NFIC: variants seen among roughly 807,000 people sequenced by gnomAD.
NFIC encodes nuclear factor 1 C-type.
NFIC carries 12 observed loss-of-function variants against 54.4 expected under a neutral mutation model. The ratio of observed to expected loss-of-function variants is 0.22; its 90% CI spans 0.14 to 0.36. The LOEUF (loss-of-function observed/expected upper bound fraction) is 0.36. Ranked by LOEUF, NFIC falls within the 10% of genes least tolerant of loss-of-function variation. NFIC has a pLI of 1.00. For missense variants in NFIC, 575 were observed against 718.2 expected (o/e 0.80, Z 2.28); for synonymous variants, 322 against 319.2 (o/e 1.01, Z -0.09).
rs1035730995 is a variant in NFIC, at chr19:3,415,217, A to G, written c.563-9889A>G. ...AGCCTCCACCTGCCAGGTTCAAACA[A>G]TTCTCCTGCCTCAGCCTCCTGAGTA... is the stretch of plus-strand genomic sequence containing the variant. On this transcript the variant is annotated intron_variant, in intron 2 of 10. Coordinates refer to ENST00000443272, the MANE Select transcript of NFIC (RefSeq NM_001245002.2). 4.6e-5 allele frequency among the ~76,000 whole-genome samples: 7 copies of G among 150,908 alleles called. No homozygotes were observed. In the South Asian group the frequency reaches 1.0e-3, roughly 23 times the overall value.
chr19:3,376,428 C>CAAAA (rs35724239), intron 1 of NFIC, among the ~76,000 whole-genome samples: 10 of 48,188 alleles, frequency 2.1e-4, no homozygotes, highest in East Asian at 5.8e-4. Context: ...GACACTGTCT[C>CAAAA]AAAAAAAAAA....
chr19:3,382,790 G>C (rs574096647), intron 2 of NFIC, among the ~76,000 whole-genome samples: 1 of 151,878 alleles, frequency 6.6e-6, no homozygotes, highest in South Asian at 2.1e-4. Flanking sequence ...GCCTAGGAGA[G>C]CGTCTAATGC....
chr19:3,384,049 GTT>G (rs72250156), intron 2 of NFIC, among the ~76,000 whole-genome samples: 24,503 of 132,538 alleles, frequency 0.18, 2,462 homozygotes, highest in Middle Eastern at 0.25. Context: ...GTTACCCAGT[GTT>G]TTTTTTTTTT....
intron 6 of NFIC, among the ~76,000 whole-genome samples, chr19:3,444,094 C>A (rs1232797526): frequency 1.5e-5 from 2 of 134,346 alleles, no homozygotes; most frequent in Non-Finnish European, 3.4e-5. Context: ...GTGATGAGGG[C>A]CTTTTGTCAA....
At chr19:3,439,642 C>T (rs2082261251) in intron 6 of NFIC, among the ~76,000 whole-genome samples, 1 of 149,778 alleles carries the variant, frequency 6.7e-6, no homozygotes, top group Admixed American at 6.7e-5. Flanking sequence ...AACTCCATCT[C>T]AAAAAACTCT....
chr19:3,401,422 A>G (rs1448341132), intron 2 of NFIC, among the ~76,000 whole-genome samples: 2 of 152,164 alleles, frequency 1.3e-5, no homozygotes, highest in Non-Finnish European at 2.9e-5. Context: ...GGCAGAATCC[A>G]GGTCAACTCC....
Position 3,463,824 on chromosome 19 carries a change from G to C in NFIC, c.*1055G>C. The C allele has an allele frequency of 1.0e-6, 1 of 985,112 alleles. No homozygotes were observed. The highest frequency in any genetic ancestry group is 1.2e-6 in the Non-Finnish European group (1 of 829,864). The allele number at this position is 985,112 out of a possible 1,614,324, so 61.0% of individuals were successfully genotyped here. A position where few individuals can be genotyped will look rare whatever the true frequency, so the allele number is the denominator to read the frequency against. On this transcript the variant is annotated 3_prime_UTR_variant, in exon 11 of 11. Transcript: ENST00000443272. ...CAGCCCCTGGCGGTGGGAGGTGAGA[G>C]CGAGTGGTTTAAGTGCCTGATTACC...
intron 4 of NFIC, among the ~76,000 whole-genome samples, chr19:3,433,941 A>T (rs1415849228): frequency 4.0e-5 from 6 of 151,896 alleles, no homozygotes; most frequent in Admixed American, 1.3e-4. Context: ...CTGGGGACCC[A>T]GCACATTCCG....
At chr19:3,449,759 CAAA>C (rs57195995) in intron 7 of NFIC, among the ~76,000 whole-genome samples, 1 of 88,662 alleles carries the variant, frequency 1.1e-5, no homozygotes, top group Admixed American at 1.3e-4. Context: ...GATTCCATCT[CAAA>C]AAAAAAAAAA....
At chr19:3,359,630 G>C (rs2080784332), upstream of NFIC, 5 of 1,317,746 alleles carry the variant, frequency 3.8e-6, no homozygotes, top group Non-Finnish European at 2.9e-6. Flanking sequence ...CCCCCTCGCC[G>C]GGGACCGAGC....
intron 1 of NFIC, among the ~76,000 whole-genome samples, chr19:3,377,514 G>A (rs2081129445): frequency 6.6e-6 from 1 of 152,060 alleles, no homozygotes; most frequent in Non-Finnish European, 1.5e-5. Context: ...CAGGGAGATG[G>A]AAAGGCAGTT....
chr19:3,367,560 C>T (rs978443895), intron 1 of NFIC, among the ~76,000 whole-genome samples: 1 of 152,170 alleles, frequency 6.6e-6, no homozygotes, highest in Non-Finnish European at 1.5e-5. Context: ...GTGCAATGGC[C>T]GAGGGGGTGT....
chr19:3,452,434 G>A lies in NFIC; in HGVS notation c.1085-48G>A, dbSNP rs1242076680. On this transcript the variant is annotated intron_variant, in intron 7 of 10. Transcript: ENST00000443272. The surrounding 1 kb of genome is among the most constrained non-coding windows in gnomAD (Gnocchi z 5.3). The stretch of plus-strand genomic sequence containing the variant: ...CACACAGTCACACGGTCACAGAGCA[G>A]ACCGGCTGGAGCCCCCAAGTAACCC... The A allele has an allele frequency of 2.5e-6, 4 of 1,600,936 alleles. No individual in the cohort carries two copies.
chr19:3,393,009 C>T (rs981550685), intron 2 of NFIC, among the ~76,000 whole-genome samples: 4 of 152,166 alleles, frequency 2.6e-5, no homozygotes, highest in Admixed American at 6.6e-5. Flanking sequence ...GGCGCGATCT[C>T]GGCTCGCTGC....
chr19:3,365,652 C>T (rs929760043), upstream of NFIC, among the ~76,000 whole-genome samples: 6 of 152,212 alleles, frequency 3.9e-5, no homozygotes, highest in African/African-American at 1.2e-4. Flanking sequence ...GAAAAGGGCA[C>T]ACCCCTGAGG....
intron 4 of NFIC, among the ~76,000 whole-genome samples, chr19:3,433,951 G>A (rs551946671): frequency 1.5e-4 from 23 of 152,040 alleles, no homozygotes; most frequent in East Asian, 1.2e-3. Context: ...AGCACATTCC[G>A]TCACACACTG....
rs775821186 is a variant in NFIC at position 3,452,446 on chromosome 19, C to T, written c.1085-36C>T. Reference sequence around the variant, plus strand: ...CGGTCACAGAGCAGACCGGCTGGAGCCCCCAAGTAACCCCCGCTTCCCACT... The same window carrying T: ...CGGTCACAGAGCAGACCGGCTGGAGTCCCCAAGTAACCCCCGCTTCCCACT... On this transcript the variant is annotated intron_variant, in intron 7 of 10. Transcript: ENST00000443272. This position sits in a 1 kb window ranked among gnomAD's most constrained non-coding sequence, Gnocchi z 5.3. 4 of 1,604,544 alleles carry T rather than the reference C, an allele frequency of 2.5e-6. No individual in the cohort carries two copies. Among genetic ancestry groups the T allele is most frequent in the Non-Finnish European group, 3.4e-6 (4 of 1,178,052 alleles).
intron 2 of NFIC, among the ~76,000 whole-genome samples, chr19:3,391,942 C>T (rs1276708451): frequency 2.6e-5 from 4 of 152,108 alleles, no homozygotes; most frequent in Non-Finnish European, 5.9e-5. Flanking sequence ...CTGTGGTTCT[C>T]GTCCAGCTCT....
intron 1 of NFIC, among the ~76,000 whole-genome samples, chr19:3,380,064 A>G (rs540470253): frequency 6.6e-6 from 1 of 151,072 alleles, no homozygotes; most frequent in East Asian, 2.0e-4. Context: ...GCAGTGGCGC[A>G]ATCTCGGCTC....
Sources: allele counts gnomAD v4.1 joint callset (sites outside exome capture counted in the v4.1 genomes callset), GRCh38; gene constraint gnomAD v4.1.1; non-coding constraint Gnocchi (gnomAD v3.1); transcripts MANE v1.5; gene names NCBI Gene and HGNC (gene_info 2026-07-23, HGNC 2026-07-21).